RBFOX1: variants seen among roughly 807,000 people sequenced by gnomAD.
The protein encoded by RBFOX1 is RNA binding protein fox-1 homolog 1.
Under a neutral mutation model 57.7 loss-of-function variants are expected in RBFOX1, and 8 were observed. That is an observed-to-expected ratio of 0.14 (90% CI 0.08 to 0.25). RBFOX1 has a LOEUF of 0.25. Ranked by LOEUF, RBFOX1 falls within the 10% of genes least tolerant of loss-of-function variation. The probability of loss-of-function intolerance (pLI) is 1.00; values close to 1 mark genes in which losing one functional copy is unlikely to be tolerated. For synonymous variants in RBFOX1, 326 were observed against 222.4 expected (o/e 1.47, Z -4.15); for missense variants, 611 against 548.5 (o/e 1.11, Z -1.14).
chr16:7,547,964 C>G (rs140019516), intron 5 of RBFOX1, among the ~76,000 whole-genome samples: 2 of 152,286 alleles, frequency 1.3e-5, no homozygotes, highest in African/African-American at 4.8e-5. Context: ...TAAGGATAGA[C>G]TTTAGTAGGC....
chr16:5,999,893 AAAAAAAAAAAAAAAGAG>A (rs2060562264), intron 4 of RBFOX1, among the ~76,000 whole-genome samples: 2 of 80,762 alleles, frequency 2.5e-5, no homozygotes, highest in Non-Finnish European at 5.7e-5. Flanking sequence ...AAAAAAAAAA[AAAAAAAAAAAAAAAGAG>A]TGAAGAAGGG....
At chr16:6,351,878 C>T (rs1404804666) in intron 2 of RBFOX1, among the ~76,000 whole-genome samples, 1 of 152,132 alleles carries the variant, frequency 6.6e-6, no homozygotes, top group Non-Finnish European at 1.5e-5. Flanking sequence ...TTACAACCTA[C>T]CTACAAGATA....
chr16:6,314,547 G>A (rs2080834140), intron 1 of RBFOX1, among the ~76,000 whole-genome samples: 1 of 152,126 alleles, frequency 6.6e-6, no homozygotes. Context: ...TAGGATGAGA[G>A]AAGGTTGTAA....
chr16:6,964,065 C>T (rs2083570249), intron 3 of RBFOX1, among the ~76,000 whole-genome samples: 1 of 152,088 alleles, frequency 6.6e-6, no homozygotes, highest in Non-Finnish European at 1.5e-5. Context: ...GTCACCCAGG[C>T]TGGAGTGCAG....
chr16:7,287,162 T>C lies in RBFOX1; in HGVS notation c.28-230985T>C, dbSNP rs544087809. Among the ~76,000 whole-genome samples the C allele has an allele frequency of 1.4e-4, 22 of 152,264 alleles. No individual in the cohort carries two copies. In the South Asian group the frequency reaches 4.4e-3, roughly 30 times the overall value. On this transcript the variant is annotated intron_variant, in intron 4 of 15. Coordinates refer to ENST00000550418, the MANE Select transcript of RBFOX1 (RefSeq NM_018723.4). ...ACAGTACTTAATAGAGAGAGAAGAT[T>C]AGTGATTCTCATTTGCCTGAGGAAA...
intron 4 of RBFOX1, among the ~76,000 whole-genome samples, chr16:7,442,777 C>A (rs143260519): frequency 2.6e-5 from 4 of 152,114 alleles, no homozygotes; most frequent in Admixed American, 2.0e-4. Context: ...TGGCCTCAGA[C>A]GTCGATCGTC....
Position 5,951,993 on chromosome 16 carries a change from A to G in RBFOX1, c.351+84658A>G, listed in dbSNP as rs999686925. On this transcript the variant is annotated intron_variant, in intron 4 of 19. Transcript: ENST00000641259. ...AGATTTGGGGGCCTCGCATATATAT[A>G]TATGTGTGTGTGTATATATATATGC... Among the ~76,000 whole-genome samples the G allele has an allele frequency of 2.0e-5, 3 of 151,420 alleles. No homozygotes were observed. The South Asian group carries it at 6.2e-4, about 32-fold the overall frequency.
chr16:6,937,366 T>A (rs1265510779), intron 3 of RBFOX1, among the ~76,000 whole-genome samples: 3 of 152,140 alleles, frequency 2.0e-5, no homozygotes, highest in African/African-American at 7.2e-5. Context: ...ATACTTTTCT[T>A]TGTTGGTATT....
intron 3 of RBFOX1, among the ~76,000 whole-genome samples, chr16:5,826,773 G>A (rs1049140918): frequency 6.6e-6 from 1 of 152,164 alleles, no homozygotes; most frequent in Non-Finnish European, 1.5e-5. Context: ...TTTAACACAA[G>A]TTCCTTTTAT....
At chr16:5,589,845 C>T (rs1018577673) in intron 2 of RBFOX1, among the ~76,000 whole-genome samples, 2 of 152,194 alleles carry the variant, frequency 1.3e-5, no homozygotes, top group African/African-American at 4.8e-5. Context: ...AGCTCTCCTT[C>T]CACTCCACTG....
chr16:6,155,883 A>G (rs1157740450), intron 1 of RBFOX1, among the ~76,000 whole-genome samples: 1 of 152,138 alleles, frequency 6.6e-6, no homozygotes, highest in Non-Finnish European at 1.5e-5. Context: ...TTTGCTGAGC[A>G]TTTCAAGATG....
At chr16:5,459,729 A>T (rs532091640) in intron 1 of RBFOX1, among the ~76,000 whole-genome samples, 1 of 152,236 alleles carries the variant, frequency 6.6e-6, no homozygotes, top group East Asian at 1.9e-4. Flanking sequence ...ACACACATGC[A>T]CGCACACACA....
chr16:6,977,904 C>G (rs2087506772), intron 3 of RBFOX1, among the ~76,000 whole-genome samples: 1 of 141,502 alleles, frequency 7.1e-6, no homozygotes, highest in African/African-American at 2.8e-5. Context: ...AGGGAGATCC[C>G]AAGAGGAAAC....
At chr16:7,570,365 C>G (rs1200855795) in intron 5 of RBFOX1, among the ~76,000 whole-genome samples, 2 of 152,094 alleles carry the variant, frequency 1.3e-5, no homozygotes, top group Middle Eastern at 3.2e-3. Context: ...TAATTATCCC[C>G]TCTCCCCTAC....
At chr16:6,218,146 A>G (rs2097348213) in intron 1 of RBFOX1, among the ~76,000 whole-genome samples, 1 of 152,082 alleles carries the variant, frequency 6.6e-6, no homozygotes. Context: ...TTTTAACCAG[A>G]TCATTTGTTG....
At chr16:6,598,192 G>C (rs890770562) in intron 2 of RBFOX1, among the ~76,000 whole-genome samples, 4 of 152,192 alleles carry the variant, frequency 2.6e-5, no homozygotes, top group African/African-American at 9.7e-5. Context: ...TCATAAATAT[G>C]TAGGGTTTTT....
intron 3 of RBFOX1, among the ~76,000 whole-genome samples, chr16:6,933,822 G>C (rs887600655): frequency 2.6e-5 from 4 of 152,292 alleles, no homozygotes; most frequent in South Asian, 4.2e-4. Context: ...TTTTCATGCA[G>C]TGTTTACCTC....
intron 4 of RBFOX1, among the ~76,000 whole-genome samples, chr16:7,190,352 C>G (rs1408766923): frequency 2.0e-5 from 3 of 152,092 alleles, no homozygotes; most frequent in Non-Finnish European, 2.9e-5. Context: ...GAGACTCCGC[C>G]TCAAACATAA....
Position 5,946,535 on chromosome 16 carries a change from G to A in RBFOX1, c.351+79200G>A, listed in dbSNP as rs1183734187. ...ACATGGAAGTTCTACGCCCTTCCCC[G>A]TATCTCACTCTATGCATATTTTTTT... On this transcript the variant is annotated intron_variant, in intron 4 of 19. Transcript: ENST00000641259. This position sits in a 1 kb window ranked among gnomAD's most constrained non-coding sequence, Gnocchi z 4.6. Among the ~76,000 whole-genome samples, 6 of 148,790 alleles carry A rather than the reference G, an allele frequency of 4.0e-5. No homozygotes were observed. Among genetic ancestry groups the A allele is most frequent in the Non-Finnish European group, 6.0e-5 (4 of 66,706 alleles).
Sources: allele counts gnomAD v4.1 joint callset (sites outside exome capture counted in the v4.1 genomes callset), GRCh38; gene constraint gnomAD v4.1.1; non-coding constraint Gnocchi (gnomAD v3.1); transcripts MANE v1.5; gene names NCBI Gene and HGNC (gene_info 2026-07-23, HGNC 2026-07-21).